The following DOCK1 variants were observed in gnomAD, a reference collection of about 807,000 sequenced individuals.
DOCK1 encodes dedicator of cytokinesis 1, also known as dedicator of cytokinesis protein 1.
In DOCK1, 138 loss-of-function variants were observed where a neutral mutation model predicts 262.7. The observed-to-expected ratio is 0.53, with a 90% CI of 0.46 to 0.61. The LOEUF (loss-of-function observed/expected upper bound fraction) is 0.61, where lower values mean the gene tolerates loss of function less well. DOCK1 is among the 20% of genes least tolerant of loss of function. The pLI is 0.00. For synonymous variants in DOCK1, 866 were observed against 867.4 expected (o/e 1.00, Z 0.03); for missense variants, 1,908 against 2,370.7 (o/e 0.80, Z 4.05).
chr10:127,295,547 G>A (rs77928372), intron 29 of DOCK1, among the ~76,000 whole-genome samples: 2,452 of 152,228 alleles, frequency 0.016, 72 homozygotes, highest in African/African-American at 0.057. Context: ...ATACCTAGGT[G>A]TGGTTGTGTG....
At chr10:127,448,325 C>T (rs540827634) in intron 51 of DOCK1, among the ~76,000 whole-genome samples, 1 of 152,338 alleles carries the variant, frequency 6.6e-6, no homozygotes, top group Admixed American at 6.5e-5. Context: ...CCTGGGCCTG[C>T]CTGCCCGTAC....
chr10:127,430,623 C>G lies in DOCK1; in HGVS notation c.4915-2660C>G, dbSNP rs558669624. On this transcript the variant is annotated intron_variant, in intron 47 of 51. Transcript: ENST00000623213. Reference sequence around the variant, plus strand: ...CCCCACCCCCCAGCCCCTCCTCCCCCACCTGCTCTCTCCAAAGGAAAATGT... The same window carrying G: ...CCCCACCCCCCAGCCCCTCCTCCCCGACCTGCTCTCTCCAAAGGAAAATGT... 1.3e-4 allele frequency among the ~76,000 whole-genome samples: 20 copies of G among 151,930 alleles called. No individual in the cohort carries two copies. In the East Asian group the frequency reaches 3.3e-3, roughly 25 times the overall value.
In DOCK1 at chr10:127,176,404, C is replaced by T; in HGVS notation, c.2847+48640C>T. ...GTGTCCTTACTGACCATGGTTCCTGCATTCAGAAACAGCAACAGAGGTGTC... is the reference window on the plus strand; with the variant it reads ...GTGTCCTTACTGACCATGGTTCCTGTATTCAGAAACAGCAACAGAGGTGTC... On this transcript the variant is annotated intron_variant, in intron 27 of 51. Transcript: ENST00000623213. This position sits in a 1 kb window ranked among gnomAD's most constrained non-coding sequence, Gnocchi z 4.4. The T allele has an allele frequency of 1.3e-6, 2 of 1,587,282 alleles. No individual in the cohort carries two copies. The highest frequency in any genetic ancestry group is 1.7e-4 in the Middle Eastern group (1 of 5,962).
intron 29 of DOCK1, among the ~76,000 whole-genome samples, chr10:127,276,944 A>G (rs1490553575): frequency 2.7e-5 from 4 of 147,644 alleles, no homozygotes. Context: ...CAGTGTGCAC[A>G]GAGCTGGAAA....
intron 1 of DOCK1, among the ~76,000 whole-genome samples, chr10:126,907,861 C>A (rs2031146096): frequency 6.6e-6 from 1 of 151,672 alleles, no homozygotes; most frequent in African/African-American, 2.4e-5. Context: ...AAGAAAACTC[C>A]ATGTTTGATT....
chr10:127,281,395 C>G (rs1275255543), intron 29 of DOCK1, among the ~76,000 whole-genome samples: 3 of 152,188 alleles, frequency 2.0e-5, no homozygotes, highest in Non-Finnish European at 4.4e-5. Flanking sequence ...GAGAGCCTCA[C>G]AAACAACAAA....
chr10:127,013,922 C>T (rs1458301111), intron 12 of DOCK1, among the ~76,000 whole-genome samples: 1 of 152,246 alleles, frequency 6.6e-6, no homozygotes, highest in African/African-American at 2.4e-5. Flanking sequence ...GACTGCAGGG[C>T]GCTGCCCACC....
intron 29 of DOCK1, among the ~76,000 whole-genome samples, chr10:127,285,597 G>A (rs528335506): frequency 2.6e-5 from 4 of 152,226 alleles, no homozygotes; most frequent in Non-Finnish European, 5.9e-5. Flanking sequence ...GAGGACCCTA[G>A]ATGCACATCT....
chr10:127,325,837 T>A (rs529781865), intron 29 of DOCK1, among the ~76,000 whole-genome samples: 1 of 152,336 alleles, frequency 6.6e-6, no homozygotes, highest in Non-Finnish European at 1.5e-5. Flanking sequence ...TCTTAACTCT[T>A]TGAATGTTCA....
intron 30 of DOCK1, among the ~76,000 whole-genome samples, chr10:127,341,775 A>G (rs1590575464): frequency 1.3e-5 from 2 of 152,348 alleles, no homozygotes; most frequent in East Asian, 3.9e-4. Context: ...TTCAGGGCCC[A>G]CATCGAGCGT....
intron 1 of DOCK1, among the ~76,000 whole-genome samples, chr10:126,909,633 C>G (rs2031466393): frequency 6.6e-6 from 1 of 152,156 alleles, no homozygotes. Context: ...TGCTCTTACT[C>G]ATAATGGGAC....
At chr10:127,325,394 C>T (rs1245092821) in intron 29 of DOCK1, among the ~76,000 whole-genome samples, 59 of 152,164 alleles carry the variant, frequency 3.9e-4, no homozygotes, top group Non-Finnish European at 8.8e-5. Flanking sequence ...CTGTTCTGGG[C>T]ACTCTATGCA....
At chr10:127,233,504 A>G (rs1036675471) in intron 27 of DOCK1, among the ~76,000 whole-genome samples, 1 of 152,208 alleles carries the variant, frequency 6.6e-6, no homozygotes, top group Non-Finnish European at 1.5e-5. Flanking sequence ...TCTACAATGT[A>G]TACTTGCCAA....
chr10:127,364,332 G>T (rs1407256042), intron 33 of DOCK1, among the ~76,000 whole-genome samples: 1 of 152,060 alleles, frequency 6.6e-6, no homozygotes, highest in African/African-American at 2.4e-5. Context: ...ATCATTATTT[G>T]TTTTTTGCAC....
intron 27 of DOCK1, among the ~76,000 whole-genome samples, chr10:127,202,133 G>T (rs1306587491): frequency 6.6e-6 from 1 of 152,136 alleles, no homozygotes; most frequent in Non-Finnish European, 1.5e-5. Context: ...GACCAGCCTG[G>T]CCACTATGGT....
intron 27 of DOCK1, among the ~76,000 whole-genome samples, chr10:127,169,453 A>G (rs181587857): frequency 2.0e-5 from 3 of 152,360 alleles, no homozygotes; most frequent in Non-Finnish European, 2.9e-5. Flanking sequence ...GCCTGCACCC[A>G]TATTCTGGCC....
In DOCK1 at chr10:127,373,859, G is replaced by A. The variant is rs1319470770; in HGVS notation, c.3511G>A (p.Asp1171Asn). 1.2e-6 allele frequency: 2 copies of A among 1,606,266 alleles called. No individual in the cohort carries two copies. Among genetic ancestry groups the A allele is most frequent in the Non-Finnish European group, 1.7e-6 (2 of 1,175,998 alleles). ...RGDEQYKVLFDKILLEHCRKH... is the reference protein window; with the variant it reads ...RGDEQYKVLFNKILLEHCRKH... ...AGACGAACAGTACAAAGTGTTATTT[G>A]ATAAAATGTAAGTGTTGATTAGCAG... The change falls in exon 34 of 52, where the codon GAT becomes AAT. Residue 1171 changes from aspartate (D) to asparagine (N), a missense_variant. Transcript: ENST00000623213.
intron 29 of DOCK1, among the ~76,000 whole-genome samples, chr10:127,299,843 C>T (rs2061624012): frequency 6.6e-6 from 1 of 152,188 alleles, no homozygotes; most frequent in African/African-American, 2.4e-5. Flanking sequence ...TGTTGGAGCC[C>T]ATTCTTGCCT....
intron 27 of DOCK1, among the ~76,000 whole-genome samples, chr10:127,171,068 T>A (rs1035610467): frequency 6.6e-6 from 1 of 152,246 alleles, no homozygotes; most frequent in Admixed American, 6.5e-5. Context: ...AGTGGGAGCT[T>A]TGTAGATACT....
Sources: allele counts gnomAD v4.1 joint callset (sites outside exome capture counted in the v4.1 genomes callset), GRCh38; gene constraint gnomAD v4.1.1; non-coding constraint Gnocchi (gnomAD v3.1); transcripts MANE v1.5; gene names NCBI Gene and HGNC (gene_info 2026-07-23, HGNC 2026-07-21).